Variants in CHD6 observed in about 807,000 individuals in gnomAD.
CHD6 encodes the protein ATP-dependent chromatin remodeler CHD6.
CHD6 carries 50 observed loss-of-function variants against 276.9 expected under a neutral mutation model. The ratio of observed to expected loss-of-function variants is 0.18; its 90% CI spans 0.14 to 0.23. CHD6 has a LOEUF of 0.23. CHD6 is among the 10% of genes least tolerant of loss of function. The pLI, the probability that CHD6 is intolerant of heterozygous loss-of-function variation, is 1.00. For missense variants in CHD6, 2,564 were observed against 3,365.8 expected, an observed-to-expected ratio of 0.76 and a Z score of 5.89; for synonymous variants, 1,173 against 1,229.3, an observed-to-expected ratio of 0.95 and a Z score of 0.96.
At chr20:41,480,109 C>A (rs1287320404) in intron 16 of CHD6, among the ~76,000 whole-genome samples, 3 of 152,186 alleles carry the variant, frequency 2.0e-5, no homozygotes, top group African/African-American at 7.2e-5. Context: ...TTATCATTCA[C>A]CCTTTCTCAG....
rs1402301894 is a variant in CHD6, at chr20:41,533,278, T to C, written c.326A>G (p.Lys109Arg). The change falls in exon 3 of 37, where the codon AAG becomes AGG. Residue 109 changes from lysine to arginine, a missense_variant. Lys to Arg is a conservative substitution (Grantham distance 26). Transcript: ENST00000373233. ...CTTGGGCTCTCTGTCCTTGCTTCCC[T>C]TTGCTGCACCCTCTTGGTCTCCTGG... ...KEPGDQEGAA[K>R]GSKDREPKPK... 1 of 1,613,770 alleles carries C rather than the reference T, an allele frequency of 6.2e-7. No homozygotes were observed. Among genetic ancestry groups the C allele is most frequent in the African/African-American group, 1.3e-5 (1 of 74,864 alleles).
intron 1 of CHD6, among the ~76,000 whole-genome samples, chr20:41,562,691 G>A (rs938020825): frequency 3.9e-5 from 6 of 151,946 alleles, no homozygotes; most frequent in South Asian, 2.1e-4. Flanking sequence ...AACTCAAGAC[G>A]ACATGTCAAA....
At chr20:41,585,433 T>C (rs936863032) in intron 1 of CHD6, among the ~76,000 whole-genome samples, 5 of 145,656 alleles carry the variant, frequency 3.4e-5, no homozygotes, top group Non-Finnish European at 5.9e-5. Context: ...CTGGTTGCAG[T>C]GAGCCAAGAG....
At chr20:41,429,382 G>C (rs2047463773) in intron 27 of CHD6, among the ~76,000 whole-genome samples, 1 of 152,260 alleles carries the variant, frequency 6.6e-6, no homozygotes, top group Middle Eastern at 3.4e-3. Flanking sequence ...CCAATCAAAA[G>C]TGCTACTGGT....
intron 1 of CHD6, among the ~76,000 whole-genome samples, chr20:41,586,185 C>G (rs1332101581): frequency 6.6e-6 from 1 of 152,172 alleles, no homozygotes; most frequent in African/African-American, 2.4e-5. Flanking sequence ...TTAAATCTTG[C>G]AACTGCACAC....
chr20:41,555,224 C>T (rs2045209796), intron 1 of CHD6, among the ~76,000 whole-genome samples: 1 of 132,454 alleles, frequency 7.5e-6, no homozygotes, highest in South Asian at 2.6e-4. Flanking sequence ...GGCGGCTGGC[C>T]GGGTGGGGGG....
At chr20:41,599,960 G>A (rs910340515) in intron 1 of CHD6, among the ~76,000 whole-genome samples, 1 of 152,138 alleles carries the variant, frequency 6.6e-6, no homozygotes, top group Non-Finnish European at 1.5e-5. Flanking sequence ...AACTATATAG[G>A]GATTTAAAAC....
chr20:41,426,992 A>G (rs1412892575), intron 27 of CHD6, among the ~76,000 whole-genome samples: 1 of 152,192 alleles, frequency 6.6e-6, no homozygotes, highest in Non-Finnish European at 1.5e-5. Context: ...AGACTTTGCT[A>G]TTTTAGAGCA....
intron 32 of CHD6, 70 bp downstream of exon 32, chr20:41,417,127 AG>A: frequency 1.5e-6 from 2 of 1,369,620 alleles, no homozygotes; most frequent in Admixed American, 2.3e-5. Context: ...TATTTCTAAA[AG>A]GGTTAAAAAA....
At chr20:41,416,192 C>G (rs1031846524) in intron 33 of CHD6, among the ~76,000 whole-genome samples, 3 of 152,180 alleles carry the variant, frequency 2.0e-5, no homozygotes, top group African/African-American at 7.2e-5. Flanking sequence ...TAAGGGTCAA[C>G]CACACTGTTC....
At chr20:41,555,212 G>A (rs1243240173) in intron 1 of CHD6, among the ~76,000 whole-genome samples, 10 of 133,478 alleles carry the variant, frequency 7.5e-5, no homozygotes, top group Admixed American at 2.2e-4. Context: ...CCTCCCGGAT[G>A]GGGCGGCTGG....
chr20:41,507,523 T>C lies in CHD6; in HGVS notation c.852+5323A>G, dbSNP rs150109575. Reference sequence around the variant, plus strand: ...CGAAAAGGGAGCAGCCTTTCTGAAATACACATCGAAGTAGGAAGGGAGCTG... The same window carrying C: ...CGAAAAGGGAGCAGCCTTTCTGAAACACACATCGAAGTAGGAAGGGAGCTG... On this transcript the variant is annotated intron_variant, in intron 5 of 36. Transcript: ENST00000373233. Among the ~76,000 whole-genome samples the C allele has an allele frequency of 5.4e-4, 83 of 152,294 alleles. No individual in the cohort carries two copies. In the East Asian group the frequency reaches 0.013, roughly 23 times the overall value.
chr20:41,582,379 G>A (rs1262897872), intron 1 of CHD6, among the ~76,000 whole-genome samples: 1 of 152,066 alleles, frequency 6.6e-6, no homozygotes, highest in Non-Finnish European at 1.5e-5. Context: ...ATTATAAAAG[G>A]AAACAATATG....
intron 2 of CHD6, among the ~76,000 whole-genome samples, chr20:41,540,434 C>T (rs2146106723): frequency 6.6e-6 from 1 of 152,248 alleles, no homozygotes; most frequent in Middle Eastern, 3.4e-3. Flanking sequence ...AACAGAAAAA[C>T]TTTCATATAC....
intron 25 of CHD6, 120 bp downstream of exon 25, chr20:41,445,545 T>C (rs548355185): frequency 5.6e-5 from 35 of 629,732 alleles, no homozygotes; most frequent in Admixed American, 7.9e-5. Flanking sequence ...CTTTTTAAGA[T>C]GAATGTGTAA....
Position 41,457,167 on chromosome 20 carries a change from G to C in CHD6, c.2829+97C>G, listed in dbSNP as rs2048400593. Reference sequence around the variant, plus strand: ...ATGATGTGAGGGCTGGCTCAATGCAGCGAAAGTGAACCCTTAAACAGCTGT... The same window carrying C: ...ATGATGTGAGGGCTGGCTCAATGCACCGAAAGTGAACCCTTAAACAGCTGT... On this transcript the variant is annotated intron_variant, in intron 18 of 36. Transcript: ENST00000373233. 7.1e-6 allele frequency: 10 copies of C among 1,408,474 alleles called. No individual in the cohort carries two copies. The East Asian group carries it at 2.3e-4, about 33-fold the overall frequency. The allele number at this position is 1,408,474 out of a possible 1,614,324, so 87.2% of individuals were successfully genotyped here.
intron 17 of CHD6, among the ~76,000 whole-genome samples, chr20:41,465,187 G>C (rs1432742441): frequency 1.3e-5 from 2 of 152,132 alleles, no homozygotes; most frequent in Non-Finnish European, 2.9e-5. Flanking sequence ...ACAGGATAGA[G>C]TCTCAAAATA....
rs367722933 is a variant in CHD6 at position 41,473,540 on chromosome 20, A to G, written c.2469-23T>C. 6.2e-7 allele frequency: 1 copy of G among 1,605,360 alleles called. No homozygotes were observed. The highest frequency in any genetic ancestry group is 8.5e-7 in the Non-Finnish European group (1 of 1,172,612). ...TATCTGAGGGGACCCAAATGAACGA[A>G]AGCCCAGGCGTTAATCATGACTTCA... On this transcript the variant is annotated intron_variant, in intron 16 of 36. Coordinates refer to ENST00000373233, the MANE Select transcript of CHD6 (RefSeq NM_032221.5). This position sits in a 1 kb window ranked among gnomAD's most constrained non-coding sequence, Gnocchi z 4.1.
intron 4 of CHD6, among the ~76,000 whole-genome samples, chr20:41,514,008 C>T (rs942014710): frequency 2.6e-5 from 4 of 152,218 alleles, no homozygotes; most frequent in Admixed American, 2.6e-4. Context: ...CCAATCTAGA[C>T]ACTTAACAGC....
Sources: gnomAD v4.1 joint callset for allele counts (sites outside exome capture counted in the v4.1 genomes callset) on GRCh38, gnomAD v4.1.1 for gene constraint, Gnocchi (gnomAD v3.1) non-coding constraint, MANE v1.5 for transcripts, NCBI Gene and HGNC (gene_info 2026-07-23, HGNC 2026-07-21) for gene names.